PPFIA3: variants seen among roughly 807,000 people sequenced by gnomAD.
The protein encoded by PPFIA3 is liprin-alpha-3.
In PPFIA3, 26 loss-of-function variants were observed where a neutral mutation model predicts 145.8. The observed-to-expected ratio is 0.18, with a 90% CI of 0.13 to 0.25. The LOEUF (loss-of-function observed/expected upper bound fraction) is 0.25, where lower values mean the gene tolerates loss of function less well. Ranked by LOEUF, PPFIA3 falls within the 10% of genes least tolerant of loss-of-function variation. The probability of loss-of-function intolerance (pLI) is 1.00; values close to 1 mark genes in which losing one functional copy is unlikely to be tolerated. For synonymous variants in PPFIA3, 645 were observed against 661.4 expected (o/e 0.98, Z 0.38); for missense variants, 1,008 against 1,587.8 (o/e 0.63, Z 6.21).
intron 4 of PPFIA3, among the ~76,000 whole-genome samples, 163 bp from the exon 5 acceptor site, chr19:49,129,217 G>A (rs2041039623): frequency 6.6e-6 from 1 of 152,258 alleles, no homozygotes. Context: ...GCTAACAGTG[G>A]ATGGGGCAGA....
chr19:49,130,514 A>T lies in PPFIA3; in HGVS notation c.794A>T (p.Gln265Leu), dbSNP rs1222676196. 6.3e-7 allele frequency: 1 copy of T among 1,593,966 alleles called. No individual in the cohort carries two copies. The change falls in exon 7 of 30, where the codon CAG becomes CTG. Residue 265 changes from glutamine to leucine, a missense_variant. Physicochemically the swap from Gln to Leu is moderately radical, Grantham distance 113. Around this residue, in one of 11 missense-constraint regions of PPFIA3, gnomAD observed 136 missense variants for 160.7 expected, o/e 0.85. Transcript: ENST00000334186. This position sits in a 1 kb window ranked among gnomAD's most constrained non-coding sequence, Gnocchi z 4.5. ...GCGGTGCTGTGCCGTCAGATGAGCC[A>T]GCTGGAGGAGGAGTTGGGCACCGCG... is the stretch of plus-strand genomic sequence containing the variant. ...RLAVLCRQMS[Q>L]LEEELGTAHR...
rs2041308077 is a variant in PPFIA3 at position 49,148,769 on chromosome 19, T to C, written c.3109+6T>C. On this transcript the variant is annotated splice_donor_region_variant and intron_variant, in intron 25 of 29. Transcript: ENST00000334186. ...AAGTCAGACCCAGATCCGAGGTGAG[T>C]AGAGCCTAAGGGTCCCTTTGGGAGC... The C allele has an allele frequency of 1.2e-6, 2 of 1,609,656 alleles. No individual in the cohort carries two copies. The highest frequency in any genetic ancestry group is 1.7e-6 in the Non-Finnish European group (2 of 1,176,808).
chr19:49,149,557 A>G lies in PPFIA3; in HGVS notation c.3365A>G (p.Lys1122Arg), dbSNP rs1356185342. The change falls in exon 28 of 30, where the codon AAG (lysine) becomes AGG (arginine). Residue 1122 changes from lysine to arginine, a missense_variant. Physicochemically the swap from Lys to Arg is conservative, Grantham distance 26 (BLOSUM62 2). This residue lies in a region of PPFIA3 where 125 missense variants were observed against 159.3 expected (regional missense o/e 0.78). Transcript: ENST00000334186. The surrounding 1 kb of genome is among the most constrained non-coding windows in gnomAD (Gnocchi z 5.7). Reference sequence around the variant, plus strand: ...GGCTCCTATACCTAGGACAGCGCCAAGTCTTTCAGCCGCTCCCCATCCTGG... The same window carrying G: ...GGCTCCTATACCTAGGACAGCGCCAGGTCTTTCAGCCGCTCCCCATCCTGG... ...TDRRLDEDSA[K>R]SFSRSPSWRK... The G allele has an allele frequency of 8.7e-6, 14 of 1,614,080 alleles. No homozygotes were observed. Among genetic ancestry groups the G allele is most frequent in the Non-Finnish European group, 1.1e-5 (13 of 1,180,042 alleles).
At chr19:49,142,384 C>A (rs528828415) in intron 20 of PPFIA3, among the ~76,000 whole-genome samples, 7 of 152,218 alleles carry the variant, frequency 4.6e-5, no homozygotes, top group African/African-American at 1.7e-4. Flanking sequence ...TTTCTGGATT[C>A]TCTGTCTCTA....
chr19:49,142,523 C>T (rs1021709643), intron 20 of PPFIA3, among the ~76,000 whole-genome samples: 3 of 151,290 alleles, frequency 2.0e-5, no homozygotes, highest in African/African-American at 7.3e-5. Context: ...CTATTTCTCT[C>T]TCTCTATTTC....
intron 19 of PPFIA3, 81 bp downstream of exon 19, chr19:49,141,594 G>C: frequency 9.1e-7 from 1 of 1,097,232 alleles, no homozygotes. Flanking sequence ...GTGTATGTGT[G>C]TGTATGAGTG....
intron 1 of PPFIA3, among the ~76,000 whole-genome samples, chr19:49,127,547 C>T (rs1272899387): frequency 3.3e-5 from 5 of 151,646 alleles, no homozygotes; most frequent in South Asian, 2.1e-4. Context: ...TGCAGTGGGC[C>T]GTGATCGCGC....
In PPFIA3 at chr19:49,138,231, C is replaced by A; in HGVS notation, c.1880C>A (p.Thr627Lys). The change falls in exon 16 of 30, where the codon ACA (threonine) becomes AAA (lysine). Residue 627 changes from threonine to lysine, a missense_variant. Around this residue, in one of 11 missense-constraint regions of PPFIA3, gnomAD observed 202 missense variants for 241.8 expected, o/e 0.84. Transcript: ENST00000334186. ...CTGATCCAAGAGGAGAAGGAGACAA[C>A]AGAACAGAGGGCAGAGGAGCTGGAG... Reference protein sequence around the residue: ...IKLIQEEKETTEQRAEELESR... With the variant: ...IKLIQEEKETKEQRAEELESR... 3 of 1,606,846 alleles carry A rather than the reference C, an allele frequency of 1.9e-6. No homozygotes were observed. The highest frequency in any genetic ancestry group is 1.7e-6 in the Non-Finnish European group (2 of 1,174,752).
chr19:49,133,895 A>G lies in PPFIA3; in HGVS notation c.1245+16A>G, dbSNP rs374035411. ...GCTGCAGCGGGTGAGGGGGCGGAAG[A>G]CTGCACAGAGGGTGGGGCTTCGAGG... On this transcript the variant is annotated intron_variant, in intron 10 of 29. Coordinates refer to ENST00000334186, the MANE Select transcript of PPFIA3 (RefSeq NM_003660.4). This position sits in a 1 kb window ranked among gnomAD's most constrained non-coding sequence, Gnocchi z 7.2. 1 of 1,612,104 alleles carries G rather than the reference A, an allele frequency of 6.2e-7. No homozygotes were observed. The highest frequency in any genetic ancestry group is 8.5e-7 in the Non-Finnish European group (1 of 1,179,802).
chr19:49,124,083 C>A (rs535934416), intron 1 of PPFIA3, among the ~76,000 whole-genome samples: 1 of 151,894 alleles, frequency 6.6e-6, no homozygotes, highest in Non-Finnish European at 1.5e-5. Flanking sequence ...CCTATAGACA[C>A]TTGTAAGTTC....
rs544858158 is a variant in PPFIA3 at position 49,130,459 on chromosome 19, G to A, written c.739G>A (p.Ala247Thr). The A allele has an allele frequency of 2.5e-6, 4 of 1,608,670 alleles. No individual in the cohort carries two copies. In the African/African-American group the frequency reaches 5.3e-5, roughly 21 times the overall value. ...GGAGGAGGCCCTGGAGCGGCAGCGC[G>A]CCGAGGTGTGCCAGCTGCGGGAGCG... ...ELEEALERQR[A>T]EVCQLRERLA... Residue 247 changes from alanine to threonine, a missense_variant, in exon 7 of 30, where the codon GCC becomes ACC. Around this residue, in one of 11 missense-constraint regions of PPFIA3, gnomAD observed 136 missense variants for 160.7 expected, o/e 0.85. Transcript: ENST00000334186. This position sits in a 1 kb window ranked among gnomAD's most constrained non-coding sequence, Gnocchi z 4.5.
At position 49,130,661 on chromosome 19, in the gene PPFIA3, G is replaced by C; in HGVS notation, c.879+62G>C. 7.1e-7 allele frequency: 1 copy of C among 1,406,496 alleles called. No individual in the cohort carries two copies. Among genetic ancestry groups the C allele is most frequent in the South Asian group, 1.3e-5 (1 of 77,400 alleles). The allele number at this position is 1,406,496 out of a possible 1,614,324, so 87.1% of individuals were successfully genotyped here. A position where few individuals can be genotyped will look rare whatever the true frequency, so the allele number is the denominator to read the frequency against. On this transcript the variant is annotated intron_variant, in intron 7 of 29. Transcript: ENST00000334186. This position sits in a 1 kb window ranked among gnomAD's most constrained non-coding sequence, Gnocchi z 4.5. ...TCGCCTTTCCGTAGAGCTCTCCCTCGCGCATTGCTCATGAATGGCGGAACC... is the reference window on the plus strand; with the variant it reads ...TCGCCTTTCCGTAGAGCTCTCCCTCCCGCATTGCTCATGAATGGCGGAACC...
chr19:49,141,941 G>GTA, intron 19 of PPFIA3, 93 bp from the exon 20 acceptor site: 1 of 884,650 alleles, frequency 1.1e-6, no homozygotes, highest in African/African-American at 1.7e-5. Flanking sequence ...ATGTGCATGT[G>GTA]TGTGTGTGTG....
At chr19:49,127,297 G>T (rs2041011063) in intron 1 of PPFIA3, among the ~76,000 whole-genome samples, 1 of 147,178 alleles carries the variant, frequency 6.8e-6, no homozygotes, top group South Asian at 2.1e-4. Flanking sequence ...GAGGAGAATT[G>T]CTTGAACCGG....
intron 16 of PPFIA3, among the ~76,000 whole-genome samples, chr19:49,139,260 G>T (rs988209680): frequency 1.3e-5 from 2 of 151,756 alleles, no homozygotes; most frequent in Non-Finnish European, 2.9e-5. Context: ...GGGAGGCAGA[G>T]GTTGCAGTGA....
intron 7 of PPFIA3, among the ~76,000 whole-genome samples, chr19:49,131,334 AATT>A (rs1568435791): frequency 5.4e-5 from 4 of 74,568 alleles, no homozygotes; most frequent in Admixed American, 1.4e-4. Flanking sequence ...ACACCTGGCT[AATT>A]TTTTTTTTTT....
At chr19:49,135,945 C>A in intron 14 of PPFIA3, 22 bp downstream of exon 14, 1 of 1,589,150 alleles carries the variant, frequency 6.3e-7, no homozygotes, top group Non-Finnish European at 8.6e-7. Flanking sequence ...CCTCTGGGTC[C>A]TGGACTGAGC....
Position 49,133,241 on chromosome 19 carries a change from A to C in PPFIA3, c.1031A>C (p.Glu344Ala). The C allele has an allele frequency of 6.3e-7, 1 of 1,599,214 alleles. No individual in the cohort carries two copies. Among genetic ancestry groups the C allele is most frequent in the Non-Finnish European group, 8.5e-7 (1 of 1,170,596 alleles). ...ASKESLYRQS[E>A]EKSRQLAEWL... ...CCCTGCCTCTCCCTCCCCCAGAGTG[A>C]AGAGAAGAGCCGTCAGCTGGCCGAG... Residue 344 changes from glutamate (E) to alanine (A), a missense_variant, in exon 9 of 30, where the codon GAA becomes GCA. This residue lies in a region of PPFIA3 where 109 missense variants were observed against 198.1 expected (regional missense o/e 0.55). Coordinates refer to ENST00000334186, the MANE Select transcript of PPFIA3 (RefSeq NM_003660.4). The surrounding 1 kb of genome is among the most constrained non-coding windows in gnomAD (Gnocchi z 7.2).
intron 1 of PPFIA3, among the ~76,000 whole-genome samples, chr19:49,126,175 C>T (rs1025209676): frequency 3.3e-5 from 5 of 152,044 alleles, no homozygotes; most frequent in Admixed American, 3.3e-4. Context: ...GGCTCAATCT[C>T]TTGACCTCGT....
Sources: gnomAD v4.1 joint callset for allele counts (sites outside exome capture counted in the v4.1 genomes callset) on GRCh38, gnomAD v4.1.1 for gene constraint, gnomAD v4.1.1 regional missense constraint, Gnocchi (gnomAD v3.1) non-coding constraint, MANE v1.5 for transcripts, NCBI Gene and HGNC (gene_info 2026-07-23, HGNC 2026-07-21) for gene names.